The following DENND4B variants were observed in gnomAD, a reference collection of about 807,000 sequenced individuals.
The protein encoded by DENND4B is DENN domain-containing protein 4B.
Under a neutral mutation model 161.0 loss-of-function variants are expected in DENND4B, and 67 were observed. The ratio of observed to expected loss-of-function variants is 0.42; its 90% CI spans 0.34 to 0.51. DENND4B has a LOEUF of 0.51. Ranked by LOEUF, DENND4B falls within the 20% of genes least tolerant of loss-of-function variation. The probability of loss-of-function intolerance (pLI) is 0.08; values close to 1 mark genes in which losing one functional copy is unlikely to be tolerated. For synonymous variants in DENND4B, 753 were observed against 813.8 expected (o/e 0.93, Z 1.27); for missense variants, 1,481 against 1,968.0 (o/e 0.75, Z 4.68).
Position 153,933,979 on chromosome 1 carries a change from C to T in DENND4B, c.2942-108G>A. On this transcript the variant is annotated intron_variant, in intron 19 of 27. Transcript: ENST00000361217. This position sits in a 1 kb window ranked among gnomAD's most constrained non-coding sequence, Gnocchi z 5.7. ...CTGCACAAACTCTGGTGCCACCACC[C>T]CCACCATGATGATATTCTGGGCGAG... The T allele has an allele frequency of 6.6e-7, 1 of 1,511,968 alleles. No individual in the cohort carries two copies. The highest frequency in any genetic ancestry group is 1.3e-5 in the South Asian group (1 of 78,732). The allele number at this position is 1,511,968 out of a possible 1,614,324, so 93.7% of individuals were successfully genotyped here.
rs797001327 is a variant in DENND4B at position 153,937,535 on chromosome 1, G to A, written c.2185C>T (p.Pro729Ser). 1.2e-6 allele frequency: 2 copies of A among 1,606,878 alleles called. No homozygotes were observed. Among genetic ancestry groups the A allele is most frequent in the South Asian group, 2.2e-5 (2 of 90,500 alleles). The change falls in exon 15 of 28, where the codon CCT (proline) becomes TCT (serine). Residue 729 changes from proline to serine, a missense_variant. Around this residue, in one of 3 missense-constraint regions of DENND4B, gnomAD observed 806 missense variants for 1,134.4 expected, o/e 0.71. Transcript: ENST00000361217. This position sits in a 1 kb window ranked among gnomAD's most constrained non-coding sequence, Gnocchi z 4.7. ...EQPGALPVPG[P>S]SRSAPSSPAP... is the part of the protein sequence containing the mutation. ...GGACTGCTGGGGGCGCTACGGGAAG[G>A]GCCTGGCACAGGCAGGGCCCCAGGT...
Position 153,929,784 on chromosome 1 carries a change from TG to T in DENND4B, c.*512del, listed in dbSNP as rs1049426321. ...AAGAACCTCATAAGCAAGGGGGCTGTGGCTCCAGAATAAATAATTTAAAATA... is the reference window on the plus strand; with the variant it reads ...AAGAACCTCATAAGCAAGGGGGCTGTGCTCCAGAATAAATAATTTAAAATA... On this transcript the variant is annotated 3_prime_UTR_variant, in exon 28 of 28. Transcript: ENST00000361217. The T allele has an allele frequency of 4.6e-5, 7 of 152,708 alleles. No individual in the cohort carries two copies. The highest frequency in any genetic ancestry group is 1.7e-4 in the African/African-American group (7 of 41,426). The allele number at this position is 152,708 out of a possible 1,614,324, so 9.5% of individuals were successfully genotyped here.
Position 153,932,821 on chromosome 1 carries a change from T to G in DENND4B, c.3623+40A>C. The G allele has an allele frequency of 1.2e-6, 2 of 1,613,142 alleles. No homozygotes were observed. The highest frequency in any genetic ancestry group is 1.7e-6 in the Non-Finnish European group (2 of 1,179,368). On this transcript the variant is annotated intron_variant, in intron 22 of 27. Coordinates refer to ENST00000361217, the MANE Select transcript of DENND4B (RefSeq NM_014856.3). This position sits in a 1 kb window ranked among gnomAD's most constrained non-coding sequence, Gnocchi z 5.8. ...AGGGGTCAGCTTTTGGACCTTCACCTCCCTATTCCCACCCACAGCACTTGC... is the reference window on the plus strand; with the variant it reads ...AGGGGTCAGCTTTTGGACCTTCACCGCCCTATTCCCACCCACAGCACTTGC...
Position 153,934,747 on chromosome 1 carries a change from A to C in DENND4B, c.2773+13T>G, listed in dbSNP as rs1425908949. The C allele has an allele frequency of 6.2e-7, 1 of 1,607,910 alleles. No individual in the cohort carries two copies. Among genetic ancestry groups the C allele is most frequent in the South Asian group, 1.1e-5 (1 of 90,744 alleles). On this transcript the variant is annotated intron_variant, in intron 18 of 27. Coordinates refer to ENST00000361217, the MANE Select transcript of DENND4B (RefSeq NM_014856.3). This position sits in a 1 kb window ranked among gnomAD's most constrained non-coding sequence, Gnocchi z 5.3. The stretch of plus-strand genomic sequence containing the variant: ...ACTCCATCCCCAAGCCTGTCTCACC[A>C]GGCCCTACCCACCTGCCTGGGAGCT...
In DENND4B at chr1:153,934,256, C is replaced by A; in HGVS notation, c.2820G>T (p.Gln940His). ...RPSPTRPLQRQTTWAGRSLRD... is the reference protein window; with the variant it reads ...RPSPTRPLQRHTTWAGRSLRD... ...TCAGACTTCGCCCAGCCCAAGTAGT[C>A]TGGCGCTGAAGAGGGCGAGTAGGGG... Residue 940 changes from glutamine (Q) to histidine (H), a missense_variant, in exon 19 of 28, where the codon CAG (glutamine) becomes CAT (histidine). Transcript: ENST00000361217. The surrounding 1 kb of genome is among the most constrained non-coding windows in gnomAD (Gnocchi z 5.3). The A allele has an allele frequency of 6.3e-7, 1 of 1,598,828 alleles. No individual in the cohort carries two copies. The highest frequency in any genetic ancestry group is 8.5e-7 in the Non-Finnish European group (1 of 1,173,672).
In DENND4B at chr1:153,944,352, C is replaced by CG. The variant is rs755611865; in HGVS notation, c.22dup (p.Arg8ProfsTer20). The CG allele has an allele frequency of 9.3e-6, 15 of 1,606,708 alleles. No individual in the cohort carries two copies. Among genetic ancestry groups the CG allele is most frequent in the Admixed American group, 3.4e-5 (2 of 59,244 alleles). ...AGCTACCACGAAGTAATCCACCAGC[C>CG]GGGGGGGCCGCTCCTCCGCCATGGC... is the stretch of plus-strand genomic sequence containing the variant. On this transcript the variant is annotated frameshift_variant, in exon 2 of 28. Transcript: ENST00000361217. LOFTEE classifies it high-confidence loss of function. The surrounding 1 kb of genome is among the most constrained non-coding windows in gnomAD (Gnocchi z 4.8).
In DENND4B at chr1:153,937,925, T is replaced by C. The variant is rs1679440864; in HGVS notation, c.1966-62A>G. 1 of 1,603,914 alleles carries C rather than the reference T, an allele frequency of 6.2e-7. No homozygotes were observed. The highest frequency in any genetic ancestry group is 8.5e-7 in the Non-Finnish European group (1 of 1,173,938). ...GTGGGCATGGAGCAGAGCCAGGGTG[T>C]CTAGACGATGGCATCTCCCAGGAAA... On this transcript the variant is annotated intron_variant, in intron 13 of 27. Transcript: ENST00000361217. This position sits in a 1 kb window ranked among gnomAD's most constrained non-coding sequence, Gnocchi z 4.7.
chr1:153,934,853 G>A lies in DENND4B; in HGVS notation c.2680C>T (p.Arg894Trp), dbSNP rs767143683. ...AAQFRQPLRE[R>W]QQQQQQQQQQ... ...TGTTGCTGCTGCTGCTGCTGTTGCC[G>A]TTCTCTCAAGGGCTGGCGGAACTGA... Residue 894 changes from arginine to tryptophan, a missense_variant, in exon 18 of 28, where the codon CGG (arginine) becomes TGG (tryptophan). Arg to Trp is a moderately radical substitution (Grantham distance 101). Around this residue, in one of 3 missense-constraint regions of DENND4B, gnomAD observed 339 missense variants for 330.3 expected, o/e 1.03. Transcript: ENST00000361217. The surrounding 1 kb of genome is among the most constrained non-coding windows in gnomAD (Gnocchi z 5.3). The A allele has an allele frequency of 1.2e-5, 19 of 1,613,558 alleles. No individual in the cohort carries two copies. The highest frequency in any genetic ancestry group is 4.5e-5 in the East Asian group (2 of 44,884).
chr1:153,936,189 C>T lies in DENND4B; in HGVS notation c.2440-1G>A. ...GCTGCATCAGTACCCGGTAACACAC[C>T]TGGGCCAGGAGAGGCACAGGACAAT... is the stretch of plus-strand genomic sequence containing the variant. On this transcript the variant is annotated splice_acceptor_variant, in intron 16 of 27. Coordinates refer to ENST00000361217, the MANE Select transcript of DENND4B (RefSeq NM_014856.3). LOFTEE classifies it high-confidence loss of function. The surrounding 1 kb of genome is among the most constrained non-coding windows in gnomAD (Gnocchi z 4.1). 6.2e-7 allele frequency: 1 copy of T among 1,603,330 alleles called. No individual in the cohort carries two copies. The highest frequency in any genetic ancestry group is 8.5e-7 in the Non-Finnish European group (1 of 1,175,066).
chr1:153,931,488 T>A (rs372056534), intron 24 of DENND4B, among the ~76,000 whole-genome samples: 2 of 151,284 alleles, frequency 1.3e-5, no homozygotes, highest in South Asian at 2.1e-4. Context: ...CCAAAGTCTA[T>A]GCTCTTTCTT....
intron 6 of DENND4B, 96 bp downstream of exon 6, chr1:153,941,773 C>CGGGGGGGGGCG: frequency 2.1e-6 from 3 of 1,426,304 alleles, no homozygotes; most frequent in Non-Finnish European, 2.9e-6. Flanking sequence ...ACCCTGTGCC[C>CGGGGGGGGGCG]AGCCCTCCCC....
At position 153,937,288 on chromosome 1, in the gene DENND4B, GTGA is replaced by G. The variant is rs1045439312; in HGVS notation, c.2232+197_2232+199del. 2.2e-4 allele frequency among the ~76,000 whole-genome samples: 33 copies of G among 152,352 alleles called. No individual in the cohort carries two copies. The highest frequency in any genetic ancestry group is 5.5e-4 in the African/African-American group (23 of 41,582). The stretch of plus-strand genomic sequence containing the variant: ...TTCCCAGAGTGCTCAGAAGACGGAG[GTGA>G]TGATGATGATGATAATGACAGTGAT... On this transcript the variant is annotated intron_variant, in intron 15 of 27. Transcript: ENST00000361217. This position sits in a 1 kb window ranked among gnomAD's most constrained non-coding sequence, Gnocchi z 4.7.
rs931917588 is a variant in DENND4B, at chr1:153,936,906, C to T, written c.2233-158G>A. Among the ~76,000 whole-genome samples, 9 of 152,166 alleles carry T rather than the reference C, an allele frequency of 5.9e-5. No individual in the cohort carries two copies. Among genetic ancestry groups the T allele is most frequent in the Non-Finnish European group, 1.0e-4 (7 of 68,028 alleles). ...GCAGACTCGGCCTCCTGGGCTCAAG[C>T]GATTCTCCCACCTCAGTCTCAAGTA... On this transcript the variant is annotated intron_variant, in intron 15 of 27. Transcript: ENST00000361217. The surrounding 1 kb of genome is among the most constrained non-coding windows in gnomAD (Gnocchi z 4.1).
chr1:153,930,382 TC>T lies in DENND4B; in HGVS notation c.4405del (p.Glu1469ArgfsTer3). 6.2e-7 allele frequency: 1 copy of T among 1,614,052 alleles called. No individual in the cohort carries two copies. Among genetic ancestry groups the T allele is most frequent in the Non-Finnish European group, 8.5e-7 (1 of 1,179,888 alleles). On this transcript the variant is annotated frameshift_variant, in exon 28 of 28. Coordinates refer to ENST00000361217, the MANE Select transcript of DENND4B (RefSeq NM_014856.3). LOFTEE classifies it high-confidence loss of function. The surrounding 1 kb of genome is among the most constrained non-coding windows in gnomAD (Gnocchi z 4.7). ...CTGCGCCCGCCGGTGCCTCAGCTCC[TC>T]CTTGCCCATGCTGCTGGCCAGCTTG... ...FNKLASSMGK[E>X]ELRHRRAQMP...
Position 153,934,119 on chromosome 1 carries a change from A to C in DENND4B, c.2941+16T>G. 6.5e-7 allele frequency: 1 copy of C among 1,542,152 alleles called. No individual in the cohort carries two copies. Among genetic ancestry groups the C allele is most frequent in the Non-Finnish European group, 8.7e-7 (1 of 1,151,744 alleles). On this transcript the variant is annotated intron_variant, in intron 19 of 27. Coordinates refer to ENST00000361217, the MANE Select transcript of DENND4B (RefSeq NM_014856.3). This position sits in a 1 kb window ranked among gnomAD's most constrained non-coding sequence, Gnocchi z 5.3. ...AGCTGACTGGGGGAGTGAGGGAGCC[A>C]GACAAGGGCACTCACTGTGGGCCAC...
At position 153,933,437 on chromosome 1, in the gene DENND4B, C is replaced by T; in HGVS notation, c.3330+46G>A. 6.3e-7 allele frequency: 1 copy of T among 1,593,478 alleles called. No homozygotes were observed. The highest frequency in any genetic ancestry group is 1.1e-5 in the South Asian group (1 of 88,058). Reference sequence around the variant, plus strand: ...CATTCTTCCAGTCGTAGCCCCTCCCCAAGCCCACTAATGCTAAGGCATCTG... The same window carrying T: ...CATTCTTCCAGTCGTAGCCCCTCCCTAAGCCCACTAATGCTAAGGCATCTG... On this transcript the variant is annotated intron_variant, in intron 20 of 27. Coordinates refer to ENST00000361217, the MANE Select transcript of DENND4B (RefSeq NM_014856.3). The surrounding 1 kb of genome is among the most constrained non-coding windows in gnomAD (Gnocchi z 5.7).
At position 153,936,319 on chromosome 1, in the gene DENND4B, T is replaced by G; in HGVS notation, c.2440-131A>C. The G allele has an allele frequency of 7.3e-7, 1 of 1,364,058 alleles. No homozygotes were observed. The highest frequency in any genetic ancestry group is 1.4e-5 in the South Asian group (1 of 69,956). The allele number at this position is 1,364,058 out of a possible 1,614,324, so 84.5% of individuals were successfully genotyped here. On this transcript the variant is annotated intron_variant, in intron 16 of 27. Coordinates refer to ENST00000361217, the MANE Select transcript of DENND4B (RefSeq NM_014856.3). This position sits in a 1 kb window ranked among gnomAD's most constrained non-coding sequence, Gnocchi z 4.1. ...GCCCCTGGCAGGTCCTGGGGCTACC[T>G]CAGAGCCACCCACCCTTTCTGCTGA...
chr1:153,934,744 A>C lies in DENND4B; in HGVS notation c.2773+16T>G. On this transcript the variant is annotated intron_variant, in intron 18 of 27. Transcript: ENST00000361217. This position sits in a 1 kb window ranked among gnomAD's most constrained non-coding sequence, Gnocchi z 5.3. ...GCTACTCCATCCCCAAGCCTGTCTCACCAGGCCCTACCCACCTGCCTGGGA... is the reference window on the plus strand; with the variant it reads ...GCTACTCCATCCCCAAGCCTGTCTCCCCAGGCCCTACCCACCTGCCTGGGA... 1 of 1,606,346 alleles carries C rather than the reference A, an allele frequency of 6.2e-7. No homozygotes were observed. The highest frequency in any genetic ancestry group is 8.5e-7 in the Non-Finnish European group (1 of 1,177,290).
In DENND4B at chr1:153,943,143, A is replaced by G; in HGVS notation, c.318-13T>C. 2.5e-6 allele frequency: 4 copies of G among 1,604,950 alleles called. No homozygotes were observed. Among genetic ancestry groups the G allele is most frequent in the Non-Finnish European group, 3.4e-6 (4 of 1,173,310 alleles). On this transcript the variant is annotated splice_polypyrimidine_tract_variant and intron_variant, in intron 2 of 27. Coordinates refer to ENST00000361217, the MANE Select transcript of DENND4B (RefSeq NM_014856.3). Reference sequence around the variant, plus strand: ...CTCATACAACACCCTTGGCACAGAGAGCAAAGATAGATGTTGAGAGGTCAG... The same window carrying G: ...CTCATACAACACCCTTGGCACAGAGGGCAAAGATAGATGTTGAGAGGTCAG...
Sources: gnomAD v4.1 joint callset for allele counts (sites outside exome capture counted in the v4.1 genomes callset) on GRCh38, gnomAD v4.1.1 for gene constraint, gnomAD v4.1.1 regional missense constraint, Gnocchi (gnomAD v3.1) non-coding constraint, MANE v1.5 for transcripts, NCBI Gene and HGNC (gene_info 2026-07-23, HGNC 2026-07-21) for gene names.